GABRB3: variants seen among roughly 807,000 people sequenced by gnomAD.
GABRB3 encodes gamma-aminobutyric acid type A receptor subunit beta3, also known as gamma-aminobutyric acid receptor subunit beta-3.
A neutral mutation model predicts 52.1 loss-of-function variants in GABRB3; 14 were observed. That is an observed-to-expected ratio of 0.27 (90% CI 0.18 to 0.42). The LOEUF is 0.42. GABRB3 is among the 10% of genes least tolerant of loss of function. GABRB3 has a pLI of 1.00. For missense variants in GABRB3, 307 were observed against 609.1 expected, an observed-to-expected ratio of 0.50 and a Z score of 5.22; for synonymous variants, 260 against 232.3, an observed-to-expected ratio of 1.12 and a Z score of -1.08.
At chr15:26,627,151 G>A (rs970840602) in intron 3 of GABRB3, among the ~76,000 whole-genome samples, 2 of 151,900 alleles carry the variant, frequency 1.3e-5, no homozygotes, top group African/African-American at 4.8e-5. Flanking sequence ...AATAAAACCT[G>A]GGTGTCAACA....
chr15:26,695,387 G>T (rs1888706543), intron 3 of GABRB3, among the ~76,000 whole-genome samples: 1 of 151,858 alleles, frequency 6.6e-6, no homozygotes, highest in African/African-American at 2.4e-5. Context: ...AGAGGAAAAA[G>T]GATAAGAACT....
intron 3 of GABRB3, among the ~76,000 whole-genome samples, chr15:26,649,441 A>G (rs1370442904): frequency 6.6e-6 from 1 of 152,186 alleles, no homozygotes; most frequent in Non-Finnish European, 1.5e-5. Context: ...TGGACTTCCT[A>G]GTCTCCAGAA....
intron 6 of GABRB3, among the ~76,000 whole-genome samples, chr15:26,580,081 C>T (rs138517506): frequency 1.2e-4 from 18 of 152,308 alleles, no homozygotes; most frequent in African/African-American, 3.4e-4. Flanking sequence ...AATTCATCCT[C>T]GGTCTTTTCA....
At chr15:26,559,478 G>A (rs902895936) in intron 8 of GABRB3, among the ~76,000 whole-genome samples, 2 of 150,568 alleles carry the variant, frequency 1.3e-5, no homozygotes, top group African/African-American at 4.9e-5. Context: ...ACAGAACAAT[G>A]GCCTAACAGT....
intron 5 of GABRB3, among the ~76,000 whole-genome samples, chr15:26,582,863 CT>C (rs1890837693): frequency 6.6e-6 from 1 of 152,156 alleles, no homozygotes; most frequent in African/African-American, 2.4e-5. Flanking sequence ...GTTCTCATCT[CT>C]CATATAGGAG....
intron 8 of GABRB3, among the ~76,000 whole-genome samples, chr15:26,554,176 G>GAGTATATATATATATATA (rs71420007): frequency 2.6e-4 from 7 of 27,340 alleles, no homozygotes; most frequent in African/African-American, 5.7e-4. Context: ...TATATATAAA[G>GAGTATATATATATATATA]TATATATATA....
chr15:26,629,646 G>A (rs1424246630), intron 3 of GABRB3, among the ~76,000 whole-genome samples: 1 of 152,096 alleles, frequency 6.6e-6, no homozygotes, highest in Admixed American at 6.5e-5. Context: ...CAAACCGAAG[G>A]TGGTAACACT....
chr15:26,636,764 T>TA (rs1281217397), intron 3 of GABRB3, among the ~76,000 whole-genome samples: 1 of 152,248 alleles, frequency 6.6e-6, no homozygotes, highest in Non-Finnish European at 1.5e-5. Flanking sequence ...TCCTTGCAGT[T>TA]ACTCAAGCCA....
intron 3 of GABRB3, among the ~76,000 whole-genome samples, chr15:26,745,857 A>G (rs1321757245): frequency 6.6e-6 from 1 of 152,140 alleles, no homozygotes; most frequent in Non-Finnish European, 1.5e-5. Context: ...ACGATTCACA[A>G]TTTTAGTTTG....
intron 4 of GABRB3, among the ~76,000 whole-genome samples, chr15:26,605,781 G>C (rs1250879810): frequency 6.6e-6 from 1 of 152,136 alleles, no homozygotes; most frequent in African/African-American, 2.4e-5. Context: ...TGGGGGTACA[G>C]GGAGACAGAG....
intron 3 of GABRB3, among the ~76,000 whole-genome samples, chr15:26,675,404 A>T (rs976142788): frequency 4.0e-5 from 6 of 151,892 alleles, no homozygotes; most frequent in African/African-American, 1.5e-4. Flanking sequence ...AGACTGGATG[A>T]CTCTGAACAC....
intron 8 of GABRB3, chr15:26,557,462 G>A (rs1408990663): frequency 6.6e-6 from 1 of 152,162 alleles, no homozygotes; most frequent in Non-Finnish European, 1.5e-5. Context: ...AAGCTGTTAG[G>A]TTGTGTATAC....
At chr15:26,656,501 T>C (rs1409134248) in intron 3 of GABRB3, among the ~76,000 whole-genome samples, 4 of 152,210 alleles carry the variant, frequency 2.6e-5, no homozygotes, top group South Asian at 2.1e-4. Flanking sequence ...GAGTCTTCAA[T>C]CCCTGGGCTG....
rs1892489529 is a variant in GABRB3 at position 26,621,657 on chromosome 15, C to T, written c.241-123G>A. Reference sequence around the variant, plus strand: ...AGTGAATAACCAGGAGAAACGGATGCCATTTTTATGCAGAATGGGAAGCAA... The same window carrying T: ...AGTGAATAACCAGGAGAAACGGATGTCATTTTTATGCAGAATGGGAAGCAA... On this transcript the variant is annotated intron_variant, in intron 3 of 8. Coordinates refer to ENST00000311550, the MANE Select transcript of GABRB3 (RefSeq NM_000814.6). The surrounding 1 kb of genome is among the most constrained non-coding windows in gnomAD (Gnocchi z 4.1). The T allele has an allele frequency of 2.8e-5, 20 of 722,380 alleles. 1 individual carries two copies. Among genetic ancestry groups the T allele is most frequent in the Middle Eastern group, 7.2e-4 (2 of 2,764 alleles). 44.7% of individuals were successfully genotyped at this position (722,380 alleles called of 1,614,324 possible).
intron 3 of GABRB3, among the ~76,000 whole-genome samples, chr15:26,636,875 C>T (rs1004519437): frequency 1.2e-4 from 19 of 152,198 alleles, no homozygotes; most frequent in African/African-American, 4.6e-4. Context: ...ACAGGTTCCA[C>T]CATACCTTAT....
chr15:26,585,521 G>C (rs1281717092), intron 4 of GABRB3, among the ~76,000 whole-genome samples: 1 of 151,454 alleles, frequency 6.6e-6, no homozygotes, highest in African/African-American at 2.5e-5. Flanking sequence ...ATTAGCATCT[G>C]GTTAAGCAAG....
chr15:26,723,063 T>C (rs1000798457), intron 3 of GABRB3, among the ~76,000 whole-genome samples: 2 of 152,178 alleles, frequency 1.3e-5, no homozygotes, highest in East Asian at 1.9e-4. Context: ...TTTTCTTCCA[T>C]TGAGAAGATT....
chr15:26,609,096 A>ACT, intron 4 of GABRB3, among the ~76,000 whole-genome samples: 1 of 62,690 alleles, frequency 1.6e-5, no homozygotes, highest in Non-Finnish European at 3.4e-5. Context: ...ACACACACAC[A>ACT]CACACATACA....
chr15:26,745,911 C>T (rs995957472), intron 3 of GABRB3, among the ~76,000 whole-genome samples: 1 of 152,064 alleles, frequency 6.6e-6, no homozygotes, highest in Non-Finnish European at 1.5e-5. Context: ...TGTGAACATT[C>T]GTTTATAGGT....
Sources: allele counts gnomAD v4.1 joint callset (sites outside exome capture counted in the v4.1 genomes callset), GRCh38; gene constraint gnomAD v4.1.1; non-coding constraint Gnocchi (gnomAD v3.1); transcripts MANE v1.5; gene names NCBI Gene and HGNC (gene_info 2026-07-23, HGNC 2026-07-21).